The following VCP variants were observed in gnomAD, a reference collection of about 807,000 sequenced individuals.
VCP encodes transitional endoplasmic reticulum ATPase.
VCP carries 6 observed loss-of-function variants against 85.7 expected under a neutral mutation model. The observed-to-expected ratio is 0.07, with a 90% CI of 0.04 to 0.14. The LOEUF is 0.14. VCP is among the 10% of genes least tolerant of loss of function. The probability of loss-of-function intolerance (pLI) is 1.00; values close to 1 mark genes in which losing one functional copy is unlikely to be tolerated. For synonymous variants in VCP, 384 were observed against 367.1 expected (o/e 1.05, Z -0.53); for missense variants, 353 against 1,043.4 (o/e 0.34, Z 9.12).
Position 35,059,443 on chromosome 9 carries a change from C to T in VCP, c.2004+50G>A. Reference sequence around the variant, plus strand: ...CCAGAAACTAAAGAGCACTCCGTACCAGCCTGAGGACTCATGCAAGTCTCC... The same window carrying T: ...CCAGAAACTAAAGAGCACTCCGTACTAGCCTGAGGACTCATGCAAGTCTCC... On this transcript the variant is annotated intron_variant, in intron 14 of 16. Coordinates refer to ENST00000358901, the MANE Select transcript of VCP (RefSeq NM_007126.5). This position sits in a 1 kb window ranked among gnomAD's most constrained non-coding sequence, Gnocchi z 4.9. 1 of 1,607,162 alleles carries T rather than the reference C, an allele frequency of 6.2e-7. No individual in the cohort carries two copies. The highest frequency in any genetic ancestry group is 8.5e-7 in the Non-Finnish European group (1 of 1,176,314).
At chr9:35,066,486 C>T (rs771167033) in intron 4 of VCP, among the ~76,000 whole-genome samples, 189 bp downstream of exon 4, 2 of 150,842 alleles carry the variant, frequency 1.3e-5, no homozygotes, top group Non-Finnish European at 2.9e-5. Flanking sequence ...CTCAGCCTCC[C>T]AAATTGCTGG....
At position 35,059,392 on chromosome 9, in the gene VCP, C is replaced by A; in HGVS notation, c.2004+101G>T. 1 of 1,543,678 alleles carries A rather than the reference C, an allele frequency of 6.5e-7. No homozygotes were observed. The highest frequency in any genetic ancestry group is 2.3e-5 in the East Asian group (1 of 43,074). ...CAAAAATTCTACCTTCCCTTTAGAC[C>A]AACCCTAACCCCAGTGGAATCTTGT... On this transcript the variant is annotated intron_variant, in intron 14 of 16. Coordinates refer to ENST00000358901, the MANE Select transcript of VCP (RefSeq NM_007126.5). The surrounding 1 kb of genome is among the most constrained non-coding windows in gnomAD (Gnocchi z 4.9).
At chr9:35,069,841 G>A (rs1041168611) in intron 1 of VCP, among the ~76,000 whole-genome samples, 7 of 152,184 alleles carry the variant, frequency 4.6e-5, no homozygotes, top group Non-Finnish European at 8.8e-5. Flanking sequence ...AATGAAGGAA[G>A]CAAAGAAAAT....
intron 2 of VCP, 46 bp downstream of exon 2, chr9:35,068,205 T>C: frequency 6.2e-7 from 1 of 1,608,464 alleles, no homozygotes; most frequent in Non-Finnish European, 8.5e-7. Context: ...GGAAAATCCC[T>C]CAAGTAAGTG....
intron 7 of VCP, 123 bp from the exon 8 acceptor site, chr9:35,062,473 C>T: frequency 1.4e-6 from 2 of 1,461,754 alleles, no homozygotes; most frequent in South Asian, 2.4e-5. Flanking sequence ...GTAACCTCTG[C>T]CTACTTCTCA....
chr9:35,061,798 G>A, intron 9 of VCP, 109 bp from the exon 10 acceptor site: 2 of 1,377,612 alleles, frequency 1.5e-6, no homozygotes, highest in Non-Finnish European at 2.1e-6. Flanking sequence ...CCTAATGCCA[G>A]CACTAAAAAA....
rs1828619069 is a variant in VCP at position 35,056,935 on chromosome 9, C to T, written c.*182G>A. ...AATGAAAATCGCTTTTATTTTATCG[C>T]TTTTGTTTTGTATTTTTGCAACAGA... On this transcript the variant is annotated 3_prime_UTR_variant, in exon 17 of 17. Coordinates refer to ENST00000358901, the MANE Select transcript of VCP (RefSeq NM_007126.5). 2 of 659,662 alleles carry T rather than the reference C, an allele frequency of 3.0e-6. No homozygotes were observed. Among genetic ancestry groups the T allele is most frequent in the Non-Finnish European group, 5.4e-6 (2 of 372,426 alleles). 40.9% of individuals were successfully genotyped at this position (659,662 alleles called of 1,614,324 possible). A position where few individuals can be genotyped will look rare whatever the true frequency, so the allele number is the denominator to read the frequency against.
intron 15 of VCP, 130 bp downstream of exon 15, chr9:35,058,934 G>C: frequency 8.0e-7 from 1 of 1,256,412 alleles, no homozygotes. Flanking sequence ...CTTTATCTTT[G>C]ATGCCCTATT....
In VCP at chr9:35,067,902, C is replaced by T. The variant is rs764714590; in HGVS notation, c.291G>A (p.Gly97=). The T allele has an allele frequency of 6.2e-6, 10 of 1,614,096 alleles. No homozygotes were observed. The highest frequency in any genetic ancestry group is 1.3e-5 in the African/African-American group (1 of 74,924). The change falls in exon 3 of 17, where the codon GGG becomes GGA. Residue 97 remains glycine, a synonymous_variant. Transcript: ENST00000358901. ...VVRNNLRVRL[G]DVISIQPCPD... ...AACCCCACACACACCTGATGACATCCCCTAGGCGTACACGAAGGTTATTCC... is the reference window on the plus strand; with the variant it reads ...AACCCCACACACACCTGATGACATCTCCTAGGCGTACACGAAGGTTATTCC...
At chr9:35,057,579 G>A (rs1222188841) in intron 15 of VCP, 49 bp from the exon 16 acceptor site, 1 of 1,600,544 alleles carries the variant, frequency 6.2e-7, no homozygotes, top group East Asian at 2.2e-5. Context: ...GCCCAGCCTG[G>A]ATTTCATCCC....
intron 1 of VCP, among the ~76,000 whole-genome samples, chr9:35,069,601 C>T (rs958271110): frequency 7.2e-5 from 11 of 152,088 alleles, no homozygotes; most frequent in African/African-American, 2.4e-4. Context: ...TACAGGCATG[C>T]GCCACCACAC....
At chr9:35,067,151 T>C (rs182963009) in intron 3 of VCP, among the ~76,000 whole-genome samples, 1 of 152,106 alleles carries the variant, frequency 6.6e-6, no homozygotes, top group Non-Finnish European at 1.5e-5. Flanking sequence ...ATTGTCAGGG[T>C]CAGTGAAACA....
intron 4 of VCP, among the ~76,000 whole-genome samples, chr9:35,065,773 A>G (rs1828816438): frequency 6.6e-6 from 1 of 152,312 alleles, no homozygotes; most frequent in East Asian, 1.9e-4. Context: ...CCTGGAACAG[A>G]GAAGGGGAGA....
chr9:35,067,067 G>A (rs1233161594), intron 3 of VCP, among the ~76,000 whole-genome samples: 1 of 152,144 alleles, frequency 6.6e-6, no homozygotes, highest in South Asian at 2.1e-4. Flanking sequence ...GGTCTTCAGG[G>A]AGATATCCAA....
At position 35,067,915 on chromosome 9, in the gene VCP, C is replaced by T. The variant is rs779959657; in HGVS notation, c.278G>A (p.Arg93His). Residue 93 changes from arginine (R) to histidine (H), a missense_variant, in exon 3 of 17, where the codon CGT becomes CAT. Arg to His is a conservative substitution (Grantham distance 29, BLOSUM62 0). Around this residue, in one of 8 missense-constraint regions of VCP, gnomAD observed 69 missense variants for 132.9 expected, o/e 0.52. Coordinates refer to ENST00000358901, the MANE Select transcript of VCP (RefSeq NM_007126.5). ...RMNRVVRNNLRVRLGDVISIQ... is the reference protein window; with the variant it reads ...RMNRVVRNNLHVRLGDVISIQ... ...CCTGATGACATCCCCTAGGCGTACA[C>T]GAAGGTTATTCCGAACAACTCTATT... is the stretch of plus-strand genomic sequence containing the variant. The T allele has an allele frequency of 6.8e-6, 11 of 1,614,076 alleles. No individual in the cohort carries two copies. The highest frequency in any genetic ancestry group is 9.3e-6 in the Non-Finnish European group (11 of 1,180,056).
At chr9:35,066,961 G>C in intron 3 of VCP, 144 bp from the exon 4 acceptor site, 1 of 1,341,930 alleles carries the variant, frequency 7.5e-7, no homozygotes, top group Non-Finnish European at 1.1e-6. Context: ...AAGGAGAACA[G>C]GGTGGAAGTG....
chr9:35,062,542 G>A (rs1313771964), intron 7 of VCP, among the ~76,000 whole-genome samples, 192 bp from the exon 8 acceptor site: 2 of 152,118 alleles, frequency 1.3e-5, no homozygotes, highest in African/African-American at 4.8e-5. Flanking sequence ...GAGAAGCCCA[G>A]GGACTCACTA....
intron 1 of VCP, chr9:35,071,830 C>T (rs1299106061): frequency 3.0e-6 from 3 of 989,538 alleles, no homozygotes; most frequent in Non-Finnish European, 3.6e-6. Context: ...TCCCCGACCC[C>T]GGGCTCCGCC....
chr9:35,072,171 C>A (rs1587135345), intron 1 of VCP, 166 bp downstream of exon 1: 4 of 1,406,278 alleles, frequency 2.8e-6, no homozygotes, highest in Non-Finnish European at 3.7e-6. Context: ...TGGCCCCAGC[C>A]GGGCCTGCCG....
Sources: gnomAD v4.1 joint callset for allele counts (sites outside exome capture counted in the v4.1 genomes callset) on GRCh38, gnomAD v4.1.1 for gene constraint, gnomAD v4.1.1 regional missense constraint, Gnocchi (gnomAD v3.1) non-coding constraint, MANE v1.5 for transcripts, NCBI Gene and HGNC (gene_info 2026-07-23, HGNC 2026-07-21) for gene names.